The following KIAA1328 variants were observed in gnomAD, a reference collection of about 807,000 sequenced individuals.
The protein encoded by KIAA1328 is protein hinderin.
In KIAA1328, 52 loss-of-function variants were observed where a neutral mutation model predicts 68.1. The observed-to-expected ratio is 0.76, with a 90% CI of 0.61 to 0.96. The LOEUF (loss-of-function observed/expected upper bound fraction) is 0.96, where lower values mean the gene tolerates loss of function less well. KIAA1328 is among the 40% of genes least tolerant of loss of function. The probability of loss-of-function intolerance (pLI) is 0.00; values close to 1 mark genes in which losing one functional copy is unlikely to be tolerated. For synonymous variants in KIAA1328, 232 were observed against 239.4 expected (o/e 0.97, Z 0.28); for missense variants, 641 against 677.6 (o/e 0.95, Z 0.60).
At chr18:36,833,166 G>A (rs888416035) in intron 1 of KIAA1328, 2 of 152,102 alleles carry the variant, frequency 1.3e-5, no homozygotes, top group Non-Finnish European at 2.9e-5. Flanking sequence ...TTGGTGCTGT[G>A]GAGAAAAAAT....
chr18:36,846,616 C>CT lies in KIAA1328; in HGVS notation c.332+2315dup, dbSNP rs1600964414. Among the ~76,000 whole-genome samples the CT allele has an allele frequency of 2.6e-5, 4 of 151,550 alleles. No homozygotes were observed. In the East Asian group the frequency reaches 7.7e-4, roughly 29 times the overall value. ...TAGTTTCCTCTAGACCTTTTACAGTCTGTTTCCCCTTTCTCCCCCATCCCA... is the reference window on the plus strand; with the variant it reads ...TAGTTTCCTCTAGACCTTTTACAGTCTTGTTTCCCCTTTCTCCCCCATCCCA... On this transcript the variant is annotated intron_variant, in intron 4 of 9. Coordinates refer to ENST00000280020, the MANE Select transcript of KIAA1328 (RefSeq NM_020776.3).
At chr18:37,204,709 C>T (rs1427696482) in intron 9 of KIAA1328, among the ~76,000 whole-genome samples, 4 of 122,344 alleles carry the variant, frequency 3.3e-5, no homozygotes, top group Non-Finnish European at 6.7e-5. Context: ...AAAATCATAT[C>T]AATATGAAAG....
rs531232939 is a variant in KIAA1328 at position 37,190,991 on chromosome 18, A to G, written c.1523+17910A>G. On this transcript the variant is annotated intron_variant, in intron 9 of 9. Transcript: ENST00000280020. The stretch of plus-strand genomic sequence containing the variant: ...TGCTAGAGCACTTGGGAGAAACCCT[A>G]GTTGGTCCCCAATCTTGGTAATGGT... Among the ~76,000 whole-genome samples the G allele has an allele frequency of 3.9e-5, 6 of 152,318 alleles. 1 individual carries two copies. In the South Asian group the frequency reaches 1.2e-3, roughly 32 times the overall value.
chr18:37,088,565 T>A (rs141547180), intron 7 of KIAA1328, among the ~76,000 whole-genome samples: 1,639 of 152,104 alleles, frequency 0.011, 38 homozygotes, highest in African/African-American at 0.037. Flanking sequence ...ACGTATTTTT[T>A]AATTTAATTT....
chr18:36,954,414 G>C (rs1280167512), intron 5 of KIAA1328: 2 of 152,122 alleles, frequency 1.3e-5, no homozygotes, highest in Non-Finnish European at 2.9e-5. Flanking sequence ...CATAATTTCT[G>C]TTTTTCTATT....
chr18:36,956,427 C>A (rs1424084520), intron 5 of KIAA1328, among the ~76,000 whole-genome samples: 2 of 151,734 alleles, frequency 1.3e-5, no homozygotes, highest in Admixed American at 1.3e-4. Context: ...AATATATGTT[C>A]TTTTTCATTG....
intron 4 of KIAA1328, among the ~76,000 whole-genome samples, chr18:36,856,675 A>G (rs763451315): frequency 2.0e-5 from 3 of 152,112 alleles, no homozygotes; most frequent in East Asian, 1.9e-4. Context: ...AGCTATCTCA[A>G]TGTAGCTTTC....
intron 6 of KIAA1328, among the ~76,000 whole-genome samples, chr18:36,984,640 A>T (rs1178528405): frequency 6.6e-6 from 1 of 152,102 alleles, no homozygotes; most frequent in Non-Finnish European, 1.5e-5. Context: ...GTGGTGGCTC[A>T]TTCATGCCTG....
At chr18:36,928,112 T>G (rs1003935122) in intron 5 of KIAA1328, among the ~76,000 whole-genome samples, 3 of 151,916 alleles carry the variant, frequency 2.0e-5, no homozygotes, top group African/African-American at 7.3e-5. Context: ...GTAGTTTCTG[T>G]TTTTTTTATT....
intron 6 of KIAA1328, among the ~76,000 whole-genome samples, chr18:37,023,739 A>T (rs1465216022): frequency 6.6e-6 from 1 of 152,178 alleles, no homozygotes; most frequent in Admixed American, 6.5e-5. Context: ...TGATTACTTC[A>T]TTATCTCTGC....
In KIAA1328 at chr18:37,150,264, T is replaced by C. The variant is rs141077415; in HGVS notation, c.1233-9936T>C. Reference sequence around the variant, plus strand: ...AGCCTTGGTACTATTGATGTTTCAATGAGATAATTATTTGTTGTGAGAGGC... The same window carrying C: ...AGCCTTGGTACTATTGATGTTTCAACGAGATAATTATTTGTTGTGAGAGGC... On this transcript the variant is annotated intron_variant, in intron 7 of 9. Transcript: ENST00000280020. 2.8e-4 allele frequency among the ~76,000 whole-genome samples: 42 copies of C among 152,260 alleles called. No homozygotes were observed. The East Asian group carries it at 6.7e-3, about 24-fold the overall frequency.
intron 7 of KIAA1328, among the ~76,000 whole-genome samples, chr18:37,095,077 A>G (rs534118049): frequency 1.4e-4 from 21 of 152,342 alleles, no homozygotes; most frequent in Admixed American, 7.8e-4. Context: ...TAGCATCAAG[A>G]CATATAAAGG....
chr18:36,865,015 T>C (rs140922073), intron 4 of KIAA1328, among the ~76,000 whole-genome samples: 28 of 152,132 alleles, frequency 1.8e-4, no homozygotes, highest in Admixed American at 6.5e-4. Context: ...TGTTGATTTT[T>C]CTCTATTTTT....
chr18:37,146,607 G>T (rs1254071101), intron 7 of KIAA1328, among the ~76,000 whole-genome samples: 1 of 152,106 alleles, frequency 6.6e-6, no homozygotes, highest in Non-Finnish European at 1.5e-5. Flanking sequence ...CAATAATGGG[G>T]TTGCTGGGTC....
At chr18:36,844,885 A>T (rs1054969018) in intron 4 of KIAA1328, among the ~76,000 whole-genome samples, 1 of 151,882 alleles carries the variant, frequency 6.6e-6, no homozygotes, top group Non-Finnish European at 1.5e-5. Context: ...GAAAGTATCT[A>T]TAGAGAAATA....
intron 6 of KIAA1328, among the ~76,000 whole-genome samples, chr18:36,992,451 C>CTTTTTTTTTTTTT (rs71168252): frequency 6.9e-5 from 9 of 130,100 alleles, no homozygotes; most frequent in African/African-American, 2.8e-4. Context: ...TCTTTTCTTT[C>CTTTTTTTTTTTTT]TTTTTTTTTT....
chr18:36,975,839 G>A (rs1245032483), intron 6 of KIAA1328, among the ~76,000 whole-genome samples: 1 of 152,128 alleles, frequency 6.6e-6, no homozygotes, highest in African/African-American at 2.4e-5. Flanking sequence ...GAACTATGAA[G>A]GATAGAGATA....
At chr18:36,949,603 C>CCG (rs1556833451) in intron 5 of KIAA1328, among the ~76,000 whole-genome samples, 1 of 95,474 alleles carries the variant, frequency 1.0e-5, no homozygotes, top group Admixed American at 1.3e-4. Flanking sequence ...CAGCTCCCCC[C>CCG]CCCCCACCCC....
chr18:36,926,078 T>G (rs1896173016), intron 5 of KIAA1328, among the ~76,000 whole-genome samples: 1 of 152,070 alleles, frequency 6.6e-6, no homozygotes, highest in South Asian at 2.1e-4. Flanking sequence ...GAATGGGGCT[T>G]TATAGACATT....
Sources: allele counts gnomAD v4.1 joint callset (sites outside exome capture counted in the v4.1 genomes callset), GRCh38; gene constraint gnomAD v4.1.1; transcripts MANE v1.5; gene names NCBI Gene and HGNC (gene_info 2026-07-23, HGNC 2026-07-21).